Variants in HLX observed in about 807,000 individuals in gnomAD.
HLX encodes H2.0-like homeobox protein.
In HLX, 6 loss-of-function variants were observed where a neutral mutation model predicts 27.7. The ratio of observed to expected loss-of-function variants is 0.22; its 90% CI spans 0.12 to 0.43. HLX has a LOEUF of 0.43. Among genes scored for constraint, HLX ranks in the 20% least tolerant of loss-of-function variants. The pLI is 1.00. For synonymous variants in HLX, 328 were observed against 293.8 expected (o/e 1.12, Z -1.19); for missense variants, 666 against 655.2 (o/e 1.02, Z -0.18).
In HLX at chr1:220,882,400, A is replaced by T. The variant is rs1368089169; in HGVS notation, c.957+52A>T. The T allele has an allele frequency of 2.6e-6, 4 of 1,564,228 alleles. No homozygotes were observed. In the Admixed American group the frequency reaches 6.8e-5, roughly 27 times the overall value. ...AGCGCCCTCGGGCGGGCAGCAGCGC[A>T]CGGCCTAGTCTGGTAGGTCCCCTCC... On this transcript the variant is annotated intron_variant, in intron 3 of 3. Transcript: ENST00000366903.
At position 220,880,335 on chromosome 1, in the gene HLX, C is replaced by A; in HGVS notation, c.478C>A (p.Pro160Thr). The change falls in exon 1 of 4, where the codon CCC becomes ACC. Residue 160 changes from proline to threonine, a missense_variant. Transcript: ENST00000366903. ...CTCGGGGACGCGAGTGGTTCCGAAC[C>A]CCCACCACAGTGGCTCTGCCCCGGC... ...PASGTRVVPNPHHSGSAPAPS... is the reference protein window; with the variant it reads ...PASGTRVVPNTHHSGSAPAPS... 6.2e-7 allele frequency: 1 copy of A among 1,613,998 alleles called. No homozygotes were observed. The highest frequency in any genetic ancestry group is 8.5e-7 in the Non-Finnish European group (1 of 1,179,920).
In HLX at chr1:220,880,010, C is replaced by T. The variant is rs1174013435; in HGVS notation, c.153C>T (p.His51=). Residue 51 remains histidine (H), a synonymous_variant, in exon 1 of 4, where the codon CAC becomes CAT. Transcript: ENST00000366903. ...KPSFCIADIL[H]AGVGDLGAAP... ...CCTTCTGCATCGCAGACATTCTGCA[C>T]GCCGGCGTGGGGGATCTGGGGGCGG... 1 of 1,595,838 alleles carries T rather than the reference C, an allele frequency of 6.3e-7. No individual in the cohort carries two copies. The highest frequency in any genetic ancestry group is 8.5e-7 in the Non-Finnish European group (1 of 1,177,548).
Position 220,884,581 on chromosome 1 carries a change from T to G in HLX, c.1344T>G (p.Ser448Arg), listed in dbSNP as rs1674527739. ...GCAGTCTTAGTAGCAGCAGCACCAGTGCGGGTTGCGCCAGCAGCCTTGGCG... is the reference window on the plus strand; with the variant it reads ...GCAGTCTTAGTAGCAGCAGCACCAGGGCGGGTTGCGCCAGCAGCCTTGGCG... Reference protein sequence around the residue: ...SASSLSSSSTSAGCASSLGGG... With the variant: ...SASSLSSSSTRAGCASSLGGG... The change falls in exon 4 of 4, where the codon AGT (serine) becomes AGG (arginine). Residue 448 changes from serine to arginine, a missense_variant. Ser to Arg is a moderately radical substitution (Grantham distance 110). Transcript: ENST00000366903. The surrounding 1 kb of genome is among the most constrained non-coding windows in gnomAD (Gnocchi z 4.9). 1.2e-6 allele frequency: 2 copies of G among 1,607,392 alleles called. No homozygotes were observed. Among genetic ancestry groups the G allele is most frequent in the Non-Finnish European group, 1.7e-6 (2 of 1,177,058 alleles).
At chr1:220,882,515 G>A in intron 3 of HLX, 167 bp downstream of exon 3, 1 of 634,312 alleles carries the variant, frequency 1.6e-6, no homozygotes, top group Non-Finnish European at 2.8e-6. Flanking sequence ...CAGGAGAAGA[G>A]GAGGGTGGAG....
At position 220,884,039 on chromosome 1, in the gene HLX, T is replaced by TG. The variant is rs1674514289; in HGVS notation, c.958-155dup. The TG allele has an allele frequency of 1.3e-6, 1 of 750,002 alleles. No individual in the cohort carries two copies. Among genetic ancestry groups the TG allele is most frequent in the African/African-American group, 1.7e-5 (1 of 57,462 alleles). 46.5% of individuals were successfully genotyped at this position (750,002 alleles called of 1,614,324 possible). A position where few individuals can be genotyped will look rare whatever the true frequency, so the allele number is the denominator to read the frequency against. ...TTCCCCTGGGCTGCCCCTTGGCTCC[T>TG]GCGCCTACCACAGTGTCTGGTCCTT... On this transcript the variant is annotated intron_variant, in intron 3 of 3. Coordinates refer to ENST00000366903, the MANE Select transcript of HLX (RefSeq NM_021958.4). This position sits in a 1 kb window ranked among gnomAD's most constrained non-coding sequence, Gnocchi z 4.9.
chr1:220,884,413 G>GC lies in HLX; in HGVS notation c.1177dup (p.Arg393ProfsTer3). The GC allele has an allele frequency of 6.2e-7, 1 of 1,614,200 alleles. No homozygotes were observed. The highest frequency in any genetic ancestry group is 8.5e-7 in the Non-Finnish European group (1 of 1,180,036). On this transcript the variant is annotated frameshift_variant, in exon 4 of 4. Transcript: ENST00000366903. LOFTEE classifies it low-confidence loss of function (END_TRUNC). This position sits in a 1 kb window ranked among gnomAD's most constrained non-coding sequence, Gnocchi z 4.9. ...TGGACATGGCCCCCAGCGACACGGA[G>GC]CGGACTGAGGGGAGTGAGCGTTCTC...
Position 220,884,119 on chromosome 1 carries a change from G to A in HLX, c.958-76G>A. 6.9e-7 allele frequency: 1 copy of A among 1,448,700 alleles called. No homozygotes were observed. Among genetic ancestry groups the A allele is most frequent in the Non-Finnish European group, 9.7e-7 (1 of 1,034,252 alleles). The allele number at this position is 1,448,700 out of a possible 1,614,324, so 89.7% of individuals were successfully genotyped here. On this transcript the variant is annotated intron_variant, in intron 3 of 3. Transcript: ENST00000366903. The surrounding 1 kb of genome is among the most constrained non-coding windows in gnomAD (Gnocchi z 4.9). ...TCACTCAGGGAGGTGGCTTGAGGGT[G>A]CACGCGAGTCGGATAGGAGCAAACC...
In HLX at chr1:220,884,741, C is replaced by A; in HGVS notation, c.*37C>A. ...GCGGAGGGGATCCGGGCCTTGCGTG[C>A]AGCCTCCCAACCATGGGCTGGGTTT... is the stretch of plus-strand genomic sequence containing the variant. On this transcript the variant is annotated 3_prime_UTR_variant, in exon 4 of 4. Transcript: ENST00000366903. The surrounding 1 kb of genome is among the most constrained non-coding windows in gnomAD (Gnocchi z 4.9). 6.3e-7 allele frequency: 1 copy of A among 1,597,232 alleles called. No individual in the cohort carries two copies. The highest frequency in any genetic ancestry group is 8.5e-7 in the Non-Finnish European group (1 of 1,176,978).
chr1:220,881,280 C>G lies in HLX; in HGVS notation c.679C>G (p.Leu227Val). ...QPSAGQFFAS[L>V]DPINEASAIL... ...CTCGGCCGGCCAGTTCTTCGCATCT[C>G]TAGATCCCATTAACGAGGCTTCTGC... is the stretch of plus-strand genomic sequence containing the variant. The change falls in exon 2 of 4, where the codon CTA (leucine) becomes GTA (valine). Residue 227 changes from leucine to valine, a missense_variant. Physicochemically the swap from Leu to Val is conservative, Grantham distance 32 (BLOSUM62 1). Transcript: ENST00000366903. The G allele has an allele frequency of 6.2e-7, 1 of 1,614,196 alleles. No homozygotes were observed. The highest frequency in any genetic ancestry group is 8.5e-7 in the Non-Finnish European group (1 of 1,179,974).
intron 3 of HLX, chr1:220,883,923 C>T: frequency 3.8e-6 from 2 of 522,298 alleles, no homozygotes; most frequent in Non-Finnish European, 6.9e-6. Flanking sequence ...TTCCAACAGT[C>T]ACTCAGGTCA....
chr1:220,881,763 AACACACACACACACACACACACAC>A (rs71167242), intron 2 of HLX: 40 of 306,808 alleles, frequency 1.3e-4, no homozygotes, highest in East Asian at 6.6e-4. Flanking sequence ...TGCGGGAATA[AACACACACACACACACACACACAC>A]ACACACACAC....
At chr1:220,882,577 C>G in intron 3 of HLX, 1 of 562,608 alleles carries the variant, frequency 1.8e-6, no homozygotes, top group South Asian at 2.1e-5. Context: ...AGATGTGTGT[C>G]AACAAGCACT....
intron 1 of HLX, chr1:220,880,992 G>A: frequency 1.6e-6 from 1 of 614,102 alleles, no homozygotes; most frequent in Admixed American, 3.0e-5. Context: ...ACATGCATAT[G>A]GACGTGAGGG....
Position 220,884,389 on chromosome 1 carries a change from G to A in HLX, c.1152G>A (p.Leu384=), listed in dbSNP as rs1222017409. Residue 384 remains leucine (L), a synonymous_variant, in exon 4 of 4, where the codon CTG becomes CTA. Coordinates refer to ENST00000366903, the MANE Select transcript of HLX (RefSeq NM_021958.4). This position sits in a 1 kb window ranked among gnomAD's most constrained non-coding sequence, Gnocchi z 4.9. ...GCGAGAGCAGCGACTCCGAGTCCCT[G>A]GACATGGCCCCCAGCGACACGGAGC... ...AESESSDSES[L]DMAPSDTERT... 1 of 1,614,152 alleles carries A rather than the reference G, an allele frequency of 6.2e-7. No homozygotes were observed. Among genetic ancestry groups the A allele is most frequent in the East Asian group, 2.2e-5 (1 of 44,882 alleles).
chr1:220,879,758 C>A lies in HLX; in HGVS notation c.-100C>A. 2.6e-5 allele frequency: 37 copies of A among 1,446,968 alleles called. No individual in the cohort carries two copies. The highest frequency in any genetic ancestry group is 3.2e-5 in the Non-Finnish European group (35 of 1,107,386). The allele number at this position is 1,446,968 out of a possible 1,614,324, so 89.6% of individuals were successfully genotyped here. On this transcript the variant is annotated 5_prime_UTR_variant, in exon 1 of 4. Transcript: ENST00000366903. The stretch of plus-strand genomic sequence containing the variant: ...CGGAGAAGCGAAAGCGGATCGTCCT[C>A]GGCTGCCGCCGCCTTCTCCGGGACT...
intron 2 of HLX, 178 bp downstream of exon 2, chr1:220,881,551 G>A (rs953544875): frequency 2.9e-6 from 2 of 686,766 alleles, no homozygotes; most frequent in Non-Finnish European, 5.2e-6. Context: ...GCTTCGGATG[G>A]TTCCCCTTGA....
rs763439936 is a variant in HLX, at chr1:220,879,847, AC to A, written c.-7del. On this transcript the variant is annotated 5_prime_UTR_variant, in exon 1 of 4. Transcript: ENST00000366903. ...CTGGACTGCGGCAGCCGCGCGGCTCACCCCGGCAGGATGTTCGCAGCCGGGC... is the reference window on the plus strand; with the variant it reads ...CTGGACTGCGGCAGCCGCGCGGCTCACCCGGCAGGATGTTCGCAGCCGGGC... 7.7e-6 allele frequency: 12 copies of A among 1,563,832 alleles called. No homozygotes were observed. Among genetic ancestry groups the A allele is most frequent in the Non-Finnish European group, 1.0e-5 (12 of 1,162,868 alleles).
At chr1:220,882,586 C>T (rs1327663698) in intron 3 of HLX, 2 of 548,772 alleles carry the variant, frequency 3.6e-6, no homozygotes, top group African/African-American at 3.8e-5. Flanking sequence ...TCAACAAGCA[C>T]TGCATGTTTA....
chr1:220,884,940 G>C lies in HLX; in HGVS notation c.*236G>C, dbSNP rs947923044. The C allele has an allele frequency of 3.7e-5, 24 of 650,444 alleles. No individual in the cohort carries two copies. Among genetic ancestry groups the C allele is most frequent in the African/African-American group, 3.5e-4 (19 of 54,906 alleles). The allele number at this position is 650,444 out of a possible 1,614,324, so 40.3% of individuals were successfully genotyped here. A position where few individuals can be genotyped will look rare whatever the true frequency, so the allele number is the denominator to read the frequency against. On this transcript the variant is annotated 3_prime_UTR_variant, in exon 4 of 4. Transcript: ENST00000366903. This position sits in a 1 kb window ranked among gnomAD's most constrained non-coding sequence, Gnocchi z 4.9. ...GCCGAACACTTCTCTCCGGAAGCAG[G>C]CTGGTTCGACTGTGAGGTGTTTGAC...
Sources: gnomAD v4.1 joint callset for allele counts on GRCh38, gnomAD v4.1.1 for gene constraint, Gnocchi (gnomAD v3.1) non-coding constraint, MANE v1.5 for transcripts, NCBI Gene and HGNC (gene_info 2026-07-23, HGNC 2026-07-21) for gene names.